The following CSMD3 variants were observed in gnomAD, a reference collection of about 807,000 sequenced individuals.
CSMD3 encodes CUB and sushi domain-containing protein 3.
In CSMD3, 177 loss-of-function variants were observed where a neutral mutation model predicts 435.2. The observed-to-expected ratio is 0.41, with a 90% CI of 0.36 to 0.46. The LOEUF is 0.46. Among genes scored for constraint, CSMD3 ranks in the 20% least tolerant of loss-of-function variants. The pLI, the probability that CSMD3 is intolerant of heterozygous loss-of-function variation, is 0.34. For missense variants in CSMD3, 4,265 were observed against 4,504.6 expected (o/e 0.95, Z 1.52); for synonymous variants, 1,656 against 1,520.5 (o/e 1.09, Z -2.07).
chr8:112,872,423 G>T (rs550066324), intron 10 of CSMD3, among the ~76,000 whole-genome samples: 2 of 151,982 alleles, frequency 1.3e-5, no homozygotes, highest in East Asian at 1.9e-4. Context: ...AGATGCTGTC[G>T]AAAGGAAAAG....
intron 4 of CSMD3, among the ~76,000 whole-genome samples, chr8:113,120,015 A>T (rs779924361): frequency 6.6e-6 from 1 of 152,056 alleles, no homozygotes; most frequent in Non-Finnish European, 1.5e-5. Context: ...AAATAAAAAA[A>T]ATTTTCCTAA....
chr8:113,369,038 G>A (rs1278883864), intron 1 of CSMD3, among the ~76,000 whole-genome samples: 1 of 151,980 alleles, frequency 6.6e-6, no homozygotes, highest in East Asian at 1.9e-4. Context: ...ATAATTTAAT[G>A]TGTGCTTAAT....
At chr8:112,527,426 CAT>C (rs1292819811) in intron 27 of CSMD3, among the ~76,000 whole-genome samples, 1 of 151,718 alleles carries the variant, frequency 6.6e-6, no homozygotes, top group Non-Finnish European at 1.5e-5. Context: ...CTTCAAAACA[CAT>C]GAGGCAAAAA....
At chr8:112,226,790 C>G (rs574340831) in intron 70 of CSMD3, among the ~76,000 whole-genome samples, 1 of 152,048 alleles carries the variant, frequency 6.6e-6, no homozygotes, top group Non-Finnish European at 1.5e-5. Context: ...CCAACAAGCA[C>G]ATAAAAGGAT....
At chr8:112,674,626 C>T (rs1466954838) in intron 16 of CSMD3, among the ~76,000 whole-genome samples, 1 of 152,132 alleles carries the variant, frequency 6.6e-6, no homozygotes, top group Admixed American at 6.6e-5. Context: ...ACATCACTGA[C>T]TAATCAAACT....
At chr8:113,092,160 A>C (rs187927394) in intron 5 of CSMD3, among the ~76,000 whole-genome samples, 1 of 152,166 alleles carries the variant, frequency 6.6e-6, no homozygotes, top group African/African-American at 2.4e-5. Context: ...GCAGTCTCCT[A>C]AATGGCCTAT....
intron 11 of CSMD3, among the ~76,000 whole-genome samples, chr8:112,856,617 G>T (rs1057320469): frequency 6.6e-6 from 1 of 151,734 alleles, no homozygotes; most frequent in Non-Finnish European, 1.5e-5. Context: ...AGAGACTGTG[G>T]CTGGGCTCTC....
chr8:112,225,105 T>C (rs1812450967), intron 70 of CSMD3, among the ~76,000 whole-genome samples, 175 bp from the exon 71 acceptor site: 1 of 152,150 alleles, frequency 6.6e-6, no homozygotes, highest in Admixed American at 6.6e-5. Flanking sequence ...AAAACCTGAG[T>C]GACTTTTAAT....
intron 31 of CSMD3, among the ~76,000 whole-genome samples, chr8:112,473,494 A>G (rs1747353892): frequency 1.3e-5 from 2 of 152,150 alleles, no homozygotes; most frequent in Non-Finnish European, 2.9e-5. Flanking sequence ...GGCAAAGAGG[A>G]GGTTCTAGGA....
At chr8:112,973,163 T>C (rs1346843846) in intron 7 of CSMD3, among the ~76,000 whole-genome samples, 2 of 152,000 alleles carry the variant, frequency 1.3e-5, no homozygotes, top group African/African-American at 4.8e-5. Flanking sequence ...CTTAAGAGCA[T>C]TGATTAATCA....
intron 9 of CSMD3, 52 bp downstream of exon 9, chr8:112,947,738 T>G (rs1163266923): frequency 2.5e-6 from 2 of 813,732 alleles, no homozygotes; most frequent in African/African-American, 3.4e-5. Context: ...AGATTTAAAT[T>G]AAAATAAACC....
At chr8:113,407,434 C>T (rs2094537557) in intron 1 of CSMD3, among the ~76,000 whole-genome samples, 7 of 152,096 alleles carry the variant, frequency 4.6e-5, no homozygotes, top group Admixed American at 3.9e-4. Context: ...TGATGAGGTA[C>T]ATAATGTCTG....
chr8:112,853,335 C>A (rs1198683034), intron 11 of CSMD3, among the ~76,000 whole-genome samples: 2 of 152,140 alleles, frequency 1.3e-5, no homozygotes, highest in African/African-American at 2.4e-5. Context: ...AAGCAATTCT[C>A]CTGCCTCAGC....
At chr8:112,623,888 G>T (rs2131528542) in intron 22 of CSMD3, among the ~76,000 whole-genome samples, 1 of 152,042 alleles carries the variant, frequency 6.6e-6, no homozygotes, top group South Asian at 2.1e-4. Context: ...GTAAATTAAT[G>T]AATAGATGAG....
intron 32 of CSMD3, among the ~76,000 whole-genome samples, chr8:112,427,271 A>G (rs1477889551): frequency 1.3e-5 from 2 of 152,024 alleles, no homozygotes; most frequent in Non-Finnish European, 2.9e-5. Context: ...TTGTGTCCCC[A>G]CCCAAATCTC....
chr8:112,276,445 G>A (rs1818050150), intron 59 of CSMD3, among the ~76,000 whole-genome samples: 1 of 152,136 alleles, frequency 6.6e-6, no homozygotes, highest in African/African-American at 2.4e-5. Flanking sequence ...ACTCTGTGTA[G>A]GGGCTCCAAC....
At chr8:112,522,175 C>T (rs746709096) in intron 27 of CSMD3, among the ~76,000 whole-genome samples, 7 of 151,604 alleles carry the variant, frequency 4.6e-5, no homozygotes, top group Non-Finnish European at 1.0e-4. Flanking sequence ...CCACTAAAAA[C>T]AAATAACTGT....
chr8:112,924,515 T>G (rs986459294), intron 9 of CSMD3, among the ~76,000 whole-genome samples: 1 of 152,116 alleles, frequency 6.6e-6, no homozygotes, highest in Non-Finnish European at 1.5e-5. Context: ...CTAAAAGTAA[T>G]AAATGACATC....
At chr8:112,229,126 A>G (rs1812845136) in intron 69 of CSMD3, among the ~76,000 whole-genome samples, 1 of 152,192 alleles carries the variant, frequency 6.6e-6, no homozygotes, top group Non-Finnish European at 1.5e-5. Flanking sequence ...GCCCCGAACT[A>G]AGGAGTTTAT....
Sources: allele counts gnomAD v4.1 joint callset (sites outside exome capture counted in the v4.1 genomes callset), GRCh38; gene constraint gnomAD v4.1.1; transcripts MANE v1.5; gene names NCBI Gene and HGNC (gene_info 2026-07-23, HGNC 2026-07-21).